The following GART variants were observed in gnomAD, a reference collection of about 807,000 sequenced individuals.
GART encodes the protein trifunctional purine biosynthetic protein adenosine-3.
In GART, 43 loss-of-function variants were observed where a neutral mutation model predicts 107.2. The observed-to-expected ratio is 0.40, with a 90% CI of 0.31 to 0.52. The LOEUF (loss-of-function observed/expected upper bound fraction) is 0.52, where lower values mean the gene tolerates loss of function less well. GART is among the 20% of genes least tolerant of loss of function. GART has a pLI of 0.52. For missense variants in GART, 1,107 were observed against 1,206.5 expected (o/e 0.92, Z 1.22); for synonymous variants, 434 against 427.0 (o/e 1.02, Z -0.20).
Position 33,517,350 on chromosome 21 carries a change from A to C in GART, c.1954+7T>G. The C allele has an allele frequency of 6.2e-7, 1 of 1,613,984 alleles. No homozygotes were observed. Among genetic ancestry groups the C allele is most frequent in the Non-Finnish European group, 8.5e-7 (1 of 1,180,012 alleles). The stretch of plus-strand genomic sequence containing the variant: ...AAGCAGGACAGTTTAAACATGAGGG[A>C]GTTTACCTAAAGTCTGGTCACCACA... On this transcript the variant is annotated splice_region_variant and intron_variant, in intron 15 of 21. Transcript: ENST00000381815.
At position 33,538,403 on chromosome 21, in the gene GART, A is replaced by ATT. The variant is rs201137454; in HGVS notation, c.145+766_145+767dup. Among the ~76,000 whole-genome samples the ATT allele has an allele frequency of 6.7e-3, 1,001 of 149,200 alleles. 8 individuals carry two copies. Among genetic ancestry groups the ATT allele is most frequent in the Non-Finnish European group, 0.01 (701 of 67,024 alleles). On this transcript the variant is annotated intron_variant, in intron 2 of 21. Coordinates refer to ENST00000381815, the MANE Select transcript of GART (RefSeq NM_000819.5). ...ACCACCATGCCTGGCTAATTTTTGT[A>ATT]TTTTTTTTTTGTAGAGATCGGGTCT...
chr21:33,521,702 A>G (rs1601197589), intron 12 of GART, among the ~76,000 whole-genome samples: 1 of 150,518 alleles, frequency 6.6e-6, no homozygotes. Context: ...GCTCATGCCT[A>G]TAATCCCAGC....
At position 33,524,562 on chromosome 21, in the gene GART, C is replaced by T. The variant is rs895548818; in HGVS notation, c.1298+207G>A. ...TCAGTACCACTGTGATTTTGCTAAA[C>T]TTTCCAAACTTACGCTATCATGAAG... On this transcript the variant is annotated intron_variant, in intron 11 of 21. Transcript: ENST00000381815. 1.1e-5 allele frequency: 14 copies of T among 1,258,726 alleles called. No homozygotes were observed. The Admixed American group carries it at 2.4e-4, about 22-fold the overall frequency. The allele number at this position is 1,258,726 out of a possible 1,614,324, so 78.0% of individuals were successfully genotyped here.
rs1468015757 is a variant in GART at position 33,517,591 on chromosome 21, T to C, written c.1720A>G (p.Met574Val). 1 of 1,614,196 alleles carries C rather than the reference T, an allele frequency of 6.2e-7. No individual in the cohort carries two copies. Among genetic ancestry groups the C allele is most frequent in the Non-Finnish European group, 8.5e-7 (1 of 1,180,014 alleles). ...CALLGGETAE[M>V]PDMYPPGEYD... ...TCTCCAGGGGGATACATGTCAGGCA[T>C]TTCTGCTGTTTCACCTCCTGGTGGG... Residue 574 changes from methionine to valine, a missense_variant, in exon 15 of 22, where the codon ATG becomes GTG. Met to Val is a conservative substitution (Grantham distance 21, BLOSUM62 1). Coordinates refer to ENST00000381815, the MANE Select transcript of GART (RefSeq NM_000819.5).
intron 6 of GART, chr21:33,531,232 T>C (rs1298844106): frequency 2.5e-5 from 11 of 440,096 alleles, no homozygotes; most frequent in Admixed American, 1.2e-4. Context: ...AGAAAAAGCA[T>C]GAATGCTTGA....
At chr21:33,526,496 A>G (rs1041483562) in intron 10 of GART, among the ~76,000 whole-genome samples, 1 of 151,310 alleles carries the variant, frequency 6.6e-6, no homozygotes, top group African/African-American at 2.4e-5. Flanking sequence ...TCTTTTCATC[A>G]CAGTTATTCA....
chr21:33,517,519 T>C lies in GART; in HGVS notation c.1792A>G (p.Lys598Glu). 1 of 1,614,212 alleles carries C rather than the reference T, an allele frequency of 6.2e-7. No individual in the cohort carries two copies. The highest frequency in any genetic ancestry group is 8.5e-7 in the Non-Finnish European group (1 of 1,180,036). Residue 598 changes from lysine (K) to glutamate (E), a missense_variant, in exon 15 of 22, where the codon AAA (lysine) becomes GAA (glutamate). Transcript: ENST00000381815. Reference sequence around the variant, plus strand: ...GTGATTCTTTCCAGGTGAGGGAGTTTCTGATCTCGCTCCATGGCACCAACG... The same window carrying C: ...GTGATTCTTTCCAGGTGAGGGAGTTCCTGATCTCGCTCCATGGCACCAACG... The part of the protein sequence containing the change: ...FAVGAMERDQ[K>E]LPHLERITEG...
Position 33,531,377 on chromosome 21 carries a change from G to C in GART, c.597+112C>G. ...TATACAAATTCCTTTGTAACTGCTG[G>C]GTTTATGTTTTTAGATGAAGCAACC... On this transcript the variant is annotated intron_variant, in intron 6 of 21. Coordinates refer to ENST00000381815, the MANE Select transcript of GART (RefSeq NM_000819.5). 7 of 878,112 alleles carry C rather than the reference G, an allele frequency of 8.0e-6. No individual in the cohort carries two copies. In the South Asian group the frequency reaches 1.0e-4, roughly 13 times the overall value. The allele number at this position is 878,112 out of a possible 1,614,324, so 54.4% of individuals were successfully genotyped here. A position where few individuals can be genotyped will look rare whatever the true frequency, so the allele number is the denominator to read the frequency against.
intron 20 of GART, among the ~76,000 whole-genome samples, chr21:33,505,051 C>A (rs1245397956): frequency 6.6e-6 from 1 of 152,184 alleles, no homozygotes; most frequent in Non-Finnish European, 1.5e-5. Context: ...CACACATACA[C>A]AAACAGGATG....
upstream of GART, chr21:33,542,887 A>T (rs551239190): frequency 1.7e-6 from 1 of 602,488 alleles, no homozygotes; most frequent in East Asian, 2.8e-5. Context: ...AAACGTCAGC[A>T]CCTCTACCCC....
chr21:33,542,246 C>T (rs2085456600), upstream of GART: 1 of 152,342 alleles, frequency 6.6e-6, no homozygotes, highest in Non-Finnish European at 1.5e-5. Flanking sequence ...CCCTCCCGCC[C>T]TGGGCGCTGC....
intron 17 of GART, among the ~76,000 whole-genome samples, chr21:33,510,566 G>A (rs1481270523): frequency 2.0e-5 from 3 of 152,190 alleles, no homozygotes; most frequent in African/African-American, 7.2e-5. Context: ...TCCTGACCTC[G>A]TGATCCACCC....
At chr21:33,513,648 G>A (rs554019518) in intron 16 of GART, among the ~76,000 whole-genome samples, 3 of 152,278 alleles carry the variant, frequency 2.0e-5, no homozygotes, top group Admixed American at 6.5e-5. Flanking sequence ...TAGTAGCTGG[G>A]AAATGTCCAT....
intron 2 of GART, among the ~76,000 whole-genome samples, chr21:33,537,792 C>A (rs1262324586): frequency 6.6e-6 from 1 of 152,050 alleles, no homozygotes; most frequent in African/African-American, 2.4e-5. Flanking sequence ...GCTGGAAGAG[C>A]AGGCAGAAGA....
At chr21:33,523,987 A>G (rs2085020248) in intron 11 of GART, 2 of 964,850 alleles carry the variant, frequency 2.1e-6, no homozygotes, top group Non-Finnish European at 2.5e-6. Context: ...AAAAAAAAAA[A>G]AAAGAAATCA....
At chr21:33,515,481 A>G (rs2084857203) in intron 16 of GART, among the ~76,000 whole-genome samples, 1 of 152,008 alleles carries the variant, frequency 6.6e-6, no homozygotes, top group African/African-American at 2.4e-5. Context: ...GTCTACTAAA[A>G]ATACAAAAAT....
intron 6 of GART, 115 bp downstream of exon 6, chr21:33,531,374 C>T: frequency 1.2e-6 from 1 of 854,656 alleles, no homozygotes; most frequent in South Asian, 1.7e-5. Flanking sequence ...TTTGTAACTG[C>T]TGGGTTTATG....
intron 10 of GART, among the ~76,000 whole-genome samples, chr21:33,526,536 A>ATT (rs373448235): frequency 6.9e-6 from 1 of 144,038 alleles, no homozygotes. Context: ...TTCTTTTTCG[A>ATT]TTTTTTTTTT....
chr21:33,520,907 T>A lies in GART; in HGVS notation c.1502A>T (p.Lys501Met). The stretch of plus-strand genomic sequence containing the variant: ...TTATTCACAAAGGTGTCTGATTACC[T>A]TTAGTTTAGTTCCAACGCCATCTGT... ...SGTDGVGTKL[K>M]IAQLCNKHDT... The change falls in exon 13 of 22, where the codon AAG becomes ATG. Residue 501 changes from lysine to methionine, a missense_variant and splice_region_variant. Lys to Met is a moderately conservative substitution (Grantham distance 95). Transcript: ENST00000381815. The A allele has an allele frequency of 1.9e-6, 3 of 1,602,804 alleles. No individual in the cohort carries two copies. In the South Asian group the frequency reaches 3.4e-5, roughly 18 times the overall value.
Sources: allele counts gnomAD v4.1 joint callset (sites outside exome capture counted in the v4.1 genomes callset), GRCh38; gene constraint gnomAD v4.1.1; transcripts MANE v1.5; gene names NCBI Gene and HGNC (gene_info 2026-07-23, HGNC 2026-07-21).